The following RSBN1 variants were observed in gnomAD, a reference collection of about 807,000 sequenced individuals.
RSBN1 encodes lysine-specific demethylase 9.
In RSBN1, 23 loss-of-function variants were observed where a neutral mutation model predicts 74.8. The observed-to-expected ratio is 0.31, with a 90% CI of 0.22 to 0.44. RSBN1 has a LOEUF of 0.44. Among genes scored for constraint, RSBN1 ranks in the 20% least tolerant of loss-of-function variants. The pLI is 1.00. For missense variants in RSBN1, 808 were observed against 1,020.9 expected, an observed-to-expected ratio of 0.79 and a Z score of 2.84; for synonymous variants, 407 against 379.6, an observed-to-expected ratio of 1.07 and a Z score of -0.84.
chr1:113,765,944 TA>T lies in RSBN1; in HGVS notation c.*35del, dbSNP rs1659769850. 7.9e-6 allele frequency: 12 copies of T among 1,525,426 alleles called. No homozygotes were observed. In the Admixed American group the frequency reaches 1.7e-4, roughly 22 times the overall value. 94.5% of individuals were successfully genotyped at this position (1,525,426 alleles called of 1,614,324 possible). Reference sequence around the variant, plus strand: ...AAAACTATAACTTCACATCAAAATTTAAAAAAGTTAAAAAATGTGTTTGAAT... The same window carrying T: ...AAAACTATAACTTCACATCAAAATTTAAAAAGTTAAAAAATGTGTTTGAAT... On this transcript the variant is annotated 3_prime_UTR_variant, in exon 7 of 7. Transcript: ENST00000261441.
At chr1:113,787,367 A>C (rs963506132) in intron 2 of RSBN1, among the ~76,000 whole-genome samples, 3 of 152,260 alleles carry the variant, frequency 2.0e-5, no homozygotes, top group African/African-American at 7.2e-5. Context: ...ACAAGCTATC[A>C]AAATGTTTTT....
chr1:113,801,905 T>G (rs879331641), intron 1 of RSBN1, among the ~76,000 whole-genome samples: 1 of 152,210 alleles, frequency 6.6e-6, no homozygotes, highest in Non-Finnish European at 1.5e-5. Context: ...GTCATCTGAT[T>G]TCACACAATT....
At chr1:113,796,647 C>A (rs553756336) in intron 2 of RSBN1, among the ~76,000 whole-genome samples, 3 of 152,112 alleles carry the variant, frequency 2.0e-5, no homozygotes, top group Non-Finnish European at 4.4e-5. Context: ...TTATAGCTGA[C>A]CATTTATATT....
intron 4 of RSBN1, among the ~76,000 whole-genome samples, chr1:113,770,168 G>T (rs1322765615): frequency 6.6e-6 from 1 of 152,202 alleles, no homozygotes; most frequent in Non-Finnish European, 1.5e-5. Context: ...ATATGCTGAA[G>T]AGACTTCTGG....
chr1:113,768,161 T>TA (rs1571293152), intron 5 of RSBN1, 61 bp downstream of exon 5: 1 of 1,379,230 alleles, frequency 7.3e-7, no homozygotes, highest in African/African-American at 1.4e-5. Context: ...ACCTTTTAAA[T>TA]AGAGTCCACA....
chr1:113,770,433 C>T (rs968013916), intron 4 of RSBN1, among the ~76,000 whole-genome samples: 3 of 152,186 alleles, frequency 2.0e-5, no homozygotes, highest in African/African-American at 7.2e-5. Context: ...TCTCGATATA[C>T]AAGACAGACA....
rs1659782640 is a variant in RSBN1 at position 113,766,437 on chromosome 1, T to C, written c.1952A>G (p.Asp651Gly). The C allele has an allele frequency of 6.2e-7, 1 of 1,612,474 alleles. No individual in the cohort carries two copies. Among genetic ancestry groups the C allele is most frequent in the African/African-American group, 1.3e-5 (1 of 75,040 alleles). Residue 651 changes from aspartate to glycine, a missense_variant, in exon 7 of 7, where the codon GAT (aspartate) becomes GGT (glycine). Physicochemically the swap from Asp to Gly is moderately conservative, Grantham distance 94. This residue lies in a region of RSBN1 where 38 missense variants were observed against 120.6 expected (regional missense o/e 0.32). Transcript: ENST00000261441. ...CCTCATTTGGTTTAGTTTAGCTTCA[T>C]CTACCCACTGTACGCACTGAAGAAA... Reference protein sequence around the residue: ...PPVSQCVQWVDEAKLNQMRRE... With the variant: ...PPVSQCVQWVGEAKLNQMRRE...
At chr1:113,772,938 G>A (rs1659911178) in intron 4 of RSBN1, among the ~76,000 whole-genome samples, 1 of 151,498 alleles carries the variant, frequency 6.6e-6, no homozygotes, top group Admixed American at 6.6e-5. Flanking sequence ...ATGTAGGTGA[G>A]TATTTTATAA....
At chr1:113,789,099 T>A (rs1660314750) in intron 2 of RSBN1, among the ~76,000 whole-genome samples, 1 of 152,184 alleles carries the variant, frequency 6.6e-6, no homozygotes, top group Middle Eastern at 3.4e-3. Context: ...GACTAACAGC[T>A]TTAGGGCGGG....
At chr1:113,770,256 T>C (rs1480572415) in intron 4 of RSBN1, among the ~76,000 whole-genome samples, 2 of 152,192 alleles carry the variant, frequency 1.3e-5, no homozygotes, top group African/African-American at 2.4e-5. Flanking sequence ...AATCAAGATG[T>C]GATGTCTAGA....
At chr1:113,767,593 C>T (rs1042036661) in intron 5 of RSBN1, among the ~76,000 whole-genome samples, 2 of 152,092 alleles carry the variant, frequency 1.3e-5, no homozygotes, top group Admixed American at 6.6e-5. Flanking sequence ...AATAGAACTA[C>T]CATATAATCC....
Position 113,811,925 on chromosome 1 carries a change from G to C in RSBN1, c.488C>G (p.Pro163Arg). 1 of 1,603,458 alleles carries C rather than the reference G, an allele frequency of 6.2e-7. No homozygotes were observed. Among genetic ancestry groups the C allele is most frequent in the Non-Finnish European group, 8.5e-7 (1 of 1,174,696 alleles). Residue 163 changes from proline (P) to arginine (R), a missense_variant, in exon 1 of 7, where the codon CCG becomes CGG. This residue lies in a region of RSBN1 where 464 missense variants were observed against 401.0 expected (regional missense o/e 1.16). Transcript: ENST00000261441. ...GAAGAGGGCCGAGGTGCTTGGGGCC[G>C]GGAGAGGGGCAGCGACAGCGGGCCC... ...PAGPAVAAPLPAPSTSALFTF... is the reference protein window; with the variant it reads ...PAGPAVAAPLRAPSTSALFTF...
intron 4 of RSBN1, among the ~76,000 whole-genome samples, chr1:113,768,892 TC>T (rs1391468090): frequency 1.5e-5 from 2 of 137,816 alleles, no homozygotes; most frequent in Non-Finnish European, 3.2e-5. Flanking sequence ...AGATAGAATT[TC>T]TTGGAAGTGG....
chr1:113,812,044 C>G lies in RSBN1; in HGVS notation c.369G>C (p.Gly123=). 3 of 1,543,442 alleles carry G rather than the reference C, an allele frequency of 1.9e-6. No homozygotes were observed. Among genetic ancestry groups the G allele is most frequent in the Non-Finnish European group, 2.6e-6 (3 of 1,146,802 alleles). Residue 123 remains glycine (G), a synonymous_variant, in exon 1 of 7, where the codon GGG becomes GGC. Transcript: ENST00000261441. ...GGGCTGCATTCGTTGGCGGCAGCGGCCCAGGATGTTGGCGGCTGCGACGCC... is the reference window on the plus strand; with the variant it reads ...GGGCTGCATTCGTTGGCGGCAGCGGGCCAGGATGTTGGCGGCTGCGACGCC... ...HRRRRSRQHP[G]PLPPTNAAPT...
intron 2 of RSBN1, among the ~76,000 whole-genome samples, chr1:113,790,271 G>A (rs1660339396): frequency 6.6e-6 from 1 of 152,052 alleles, no homozygotes; most frequent in Non-Finnish European, 1.5e-5. Flanking sequence ...AAAAAGTTCT[G>A]GAAACGGTAG....
chr1:113,797,248 C>G (rs966729666), intron 2 of RSBN1, 115 bp downstream of exon 2: 28 of 849,854 alleles, frequency 3.3e-5, no homozygotes, highest in Middle Eastern at 3.6e-4. Context: ...TTTGAAGCAC[C>G]TTTATTACCA....
At position 113,812,424 on chromosome 1, in the gene RSBN1, C is replaced by T. The variant is rs1459674617; in HGVS notation, c.-12G>A. 6.3e-7 allele frequency: 1 copy of T among 1,579,314 alleles called. No individual in the cohort carries two copies. ...CCAGAGATGAACATGCCGGAAGCGG[C>T]CGTTCCCAGCTTTTCTCCGCAGGCC... On this transcript the variant is annotated 5_prime_UTR_variant, in exon 1 of 7. Coordinates refer to ENST00000261441, the MANE Select transcript of RSBN1 (RefSeq NM_018364.5).
In RSBN1 at chr1:113,801,140, C is replaced by T. The variant is rs562822123; in HGVS notation, c.704-3104G>A. ...GGGATCACAGGCATGTACCACCACA[C>T]CCGGCTAATTTTTTGTATTTTTAGT... On this transcript the variant is annotated intron_variant, in intron 1 of 6. Coordinates refer to ENST00000261441, the MANE Select transcript of RSBN1 (RefSeq NM_018364.5). Among the ~76,000 whole-genome samples the T allele has an allele frequency of 5.9e-5, 9 of 152,160 alleles. No individual in the cohort carries two copies. In the East Asian group the frequency reaches 1.7e-3, roughly 29 times the overall value.
At chr1:113,801,721 T>G (rs1169460736) in intron 1 of RSBN1, among the ~76,000 whole-genome samples, 1 of 152,154 alleles carries the variant, frequency 6.6e-6, no homozygotes, top group Non-Finnish European at 1.5e-5. Flanking sequence ...TAAGAAAAAC[T>G]TTCACCTATC....
Sources: gnomAD v4.1 joint callset for allele counts (sites outside exome capture counted in the v4.1 genomes callset) on GRCh38, gnomAD v4.1.1 for gene constraint, gnomAD v4.1.1 regional missense constraint, MANE v1.5 for transcripts, NCBI Gene and HGNC (gene_info 2026-07-23, HGNC 2026-07-21) for gene names.